Variants in SPOCK1 observed in about 807,000 individuals in gnomAD.
The protein encoded by SPOCK1 is SPARC (osteonectin), cwcv and kazal like domains proteoglycan 1.
A neutral mutation model predicts 55.3 loss-of-function variants in SPOCK1; 23 were observed. That is an observed-to-expected ratio of 0.42 (90% CI 0.30 to 0.59). SPOCK1 has a LOEUF of 0.59. Among genes scored for constraint, SPOCK1 ranks in the 20% least tolerant of loss-of-function variants. The pLI is 0.22. For missense variants in SPOCK1, 499 were observed against 552.5 expected, an observed-to-expected ratio of 0.90 and a Z score of 0.97; for synonymous variants, 226 against 221.0, an observed-to-expected ratio of 1.02 and a Z score of -0.20.
At chr5:137,349,082 C>T (rs1580879152) in intron 2 of SPOCK1, among the ~76,000 whole-genome samples, 1 of 152,136 alleles carries the variant, frequency 6.6e-6, no homozygotes, top group African/African-American at 2.4e-5. Context: ...AACTCAAGAT[C>T]GATAGTTCTC....
intron 6 of SPOCK1, among the ~76,000 whole-genome samples, chr5:136,996,270 A>G (rs1751038456): frequency 6.6e-6 from 1 of 152,282 alleles, no homozygotes; most frequent in Non-Finnish European, 1.5e-5. Flanking sequence ...TCCCCCTACT[A>G]TTCTGGTGCC....
intron 2 of SPOCK1, among the ~76,000 whole-genome samples, chr5:137,301,943 G>A (rs745528091): frequency 1.3e-4 from 20 of 152,086 alleles, no homozygotes; most frequent in Admixed American, 5.2e-4. Context: ...TGACATCCAC[G>A]AGCCCACTCC....
At chr5:137,341,849 C>T (rs1372936351) in intron 2 of SPOCK1, among the ~76,000 whole-genome samples, 1 of 152,226 alleles carries the variant, frequency 6.6e-6, no homozygotes, top group Non-Finnish European at 1.5e-5. Context: ...TCTCTAAAAA[C>T]TTGTTCCTTC....
intron 4 of SPOCK1, among the ~76,000 whole-genome samples, chr5:137,125,932 A>G (rs951670089): frequency 1.3e-5 from 2 of 152,180 alleles, no homozygotes; most frequent in South Asian, 2.1e-4. Context: ...GCTATAGAGA[A>G]AGCTTTGATC....
At chr5:137,010,106 C>T (rs1751323482) in intron 6 of SPOCK1, among the ~76,000 whole-genome samples, 1 of 152,026 alleles carries the variant, frequency 6.6e-6, no homozygotes, top group Non-Finnish European at 1.5e-5. Flanking sequence ...TCTACTTTTC[C>T]ATGCCATATC....
At chr5:137,406,535 T>C (rs1752103317) in intron 2 of SPOCK1, among the ~76,000 whole-genome samples, 1 of 152,212 alleles carries the variant, frequency 6.6e-6, no homozygotes, top group Admixed American at 6.5e-5. Flanking sequence ...GAAAGCCCAT[T>C]TGGATTCAAA....
chr5:137,346,624 T>A (rs564463695), intron 2 of SPOCK1, among the ~76,000 whole-genome samples: 2 of 152,040 alleles, frequency 1.3e-5, no homozygotes, highest in East Asian at 3.9e-4. Context: ...AAACAGGAGG[T>A]ACATTCAAAT....
At chr5:137,472,049 T>A (rs1180975174) in intron 2 of SPOCK1, among the ~76,000 whole-genome samples, 4 of 151,850 alleles carry the variant, frequency 2.6e-5, no homozygotes. Flanking sequence ...TCTTCCAGAG[T>A]CAGACTCTCC....
chr5:137,273,317 T>G (rs914791671), intron 2 of SPOCK1: 9 of 942,796 alleles, frequency 9.5e-6, no homozygotes, highest in Non-Finnish European at 1.1e-5. Context: ...AAATTTACAT[T>G]TTATTTGGCA....
At chr5:137,112,394 A>G (rs375446080) in intron 5 of SPOCK1, 41 bp downstream of exon 5, 7 of 1,605,368 alleles carry the variant, frequency 4.4e-6, no homozygotes, top group East Asian at 2.2e-5. Flanking sequence ...ACAAGCCGAC[A>G]TGAAGTATTT....
intron 2 of SPOCK1, among the ~76,000 whole-genome samples, chr5:137,417,370 T>C (rs1048219451): frequency 3.3e-5 from 5 of 150,658 alleles, no homozygotes; most frequent in Non-Finnish European, 7.4e-5. Context: ...AAAAAATCAA[T>C]TTTACTGAGG....
intron 2 of SPOCK1, among the ~76,000 whole-genome samples, chr5:137,486,746 G>C (rs145913202): frequency 1.3e-5 from 2 of 152,162 alleles, no homozygotes; most frequent in African/African-American, 4.8e-5. Flanking sequence ...CAACAATTCT[G>C]GCATGTAAAA....
chr5:137,123,839 G>A (rs1045139726), intron 4 of SPOCK1, among the ~76,000 whole-genome samples: 1 of 152,074 alleles, frequency 6.6e-6, no homozygotes, highest in Admixed American at 6.6e-5. Flanking sequence ...ATATAAACCT[G>A]TATGTGAATG....
intron 3 of SPOCK1, among the ~76,000 whole-genome samples, chr5:137,170,282 T>C (rs1008671768): frequency 6.6e-6 from 1 of 152,204 alleles, no homozygotes; most frequent in African/African-American, 2.4e-5. Context: ...TTTTGATTCA[T>C]GGTTGGTTGA....
chr5:137,272,114 A>G (rs775851684), intron 2 of SPOCK1, among the ~76,000 whole-genome samples: 14 of 152,148 alleles, frequency 9.2e-5, no homozygotes, highest in Non-Finnish European at 1.9e-4. Flanking sequence ...GGCTAAGTAG[A>G]TCAGAACTGA....
chr5:137,304,066 T>G (rs900638406), intron 2 of SPOCK1, among the ~76,000 whole-genome samples: 2 of 59,428 alleles, frequency 3.4e-5, no homozygotes, highest in African/African-American at 2.8e-4. Flanking sequence ...ATGCAATGGG[T>G]TTTTTTTTTT....
chr5:137,164,615 G>A (rs1438885834), intron 3 of SPOCK1, among the ~76,000 whole-genome samples: 4 of 152,166 alleles, frequency 2.6e-5, no homozygotes, highest in African/African-American at 4.8e-5. Flanking sequence ...CAAGCTCTTG[G>A]AATCCCTGCT....
In SPOCK1 at chr5:137,316,609, G is replaced by A. The variant is rs139046658; in HGVS notation, c.187-49554C>T. ...TATTATTGACAACCTGGCCTTGGCA[G>A]CAGGAGTATTTTTGGATGCCTTTAC... On this transcript the variant is annotated intron_variant, in intron 2 of 10. Coordinates refer to ENST00000394945, the MANE Select transcript of SPOCK1 (RefSeq NM_004598.4). Among the ~76,000 whole-genome samples the A allele has an allele frequency of 1.1e-3, 170 of 152,286 alleles. 3 individuals are homozygous for A. Among genetic ancestry groups the A allele is most frequent in the African/African-American group, 3.8e-3 (159 of 41,566 alleles).
At chr5:137,225,175 A>C (rs1429409623) in intron 3 of SPOCK1, among the ~76,000 whole-genome samples, 1 of 152,014 alleles carries the variant, frequency 6.6e-6, no homozygotes, top group East Asian at 1.9e-4. Context: ...ATACAAGCAG[A>C]GAATGACAAG....
Sources: gnomAD v4.1 joint callset for allele counts (sites outside exome capture counted in the v4.1 genomes callset) on GRCh38, gnomAD v4.1.1 for gene constraint, MANE v1.5 for transcripts, NCBI Gene and HGNC (gene_info 2026-07-23, HGNC 2026-07-21) for gene names.